The following CMPK1 variants were observed in gnomAD, a reference collection of about 807,000 sequenced individuals.
CMPK1 encodes the protein UMP-CMP kinase.
Under a neutral mutation model 25.7 loss-of-function variants are expected in CMPK1, and 10 were observed. The observed-to-expected ratio is 0.39, with a 90% CI of 0.24 to 0.66. CMPK1 has a LOEUF of 0.66. Ranked by LOEUF, CMPK1 falls within the 30% of genes least tolerant of loss-of-function variation. The pLI, the probability that CMPK1 is intolerant of heterozygous loss-of-function variation, is 0.48. For synonymous variants in CMPK1, 106 were observed against 101.5 expected, an observed-to-expected ratio of 1.04 and a Z score of -0.27; for missense variants, 199 against 280.5, an observed-to-expected ratio of 0.71 and a Z score of 2.08.
chr1:47,338,978 T>C (rs1646419798), intron 1 of CMPK1, among the ~76,000 whole-genome samples: 1 of 152,304 alleles, frequency 6.6e-6, no homozygotes, highest in South Asian at 2.1e-4. Context: ...GTGAACATTT[T>C]GCTTACATAA....
At chr1:47,355,991 T>C (rs1646558476) in intron 1 of CMPK1, among the ~76,000 whole-genome samples, 1 of 152,222 alleles carries the variant, frequency 6.6e-6, no homozygotes, top group African/African-American at 2.4e-5. Context: ...ATTATCTGAT[T>C]ATACTTATGA....
chr1:47,371,266 A>T (rs970804277), intron 2 of CMPK1, among the ~76,000 whole-genome samples: 10 of 151,872 alleles, frequency 6.6e-5, no homozygotes, highest in Non-Finnish European at 1.2e-4. Flanking sequence ...AAATAAACAA[A>T]TCTCTCTCCC....
At chr1:47,334,412 T>A (rs1646380734) in intron 1 of CMPK1, among the ~76,000 whole-genome samples, 1 of 152,186 alleles carries the variant, frequency 6.6e-6, no homozygotes, top group African/African-American at 2.4e-5. Context: ...GGGAGAGGGA[T>A]CCCGGAGGCC....
At position 47,376,804 on chromosome 1, in the gene CMPK1, C is replaced by A; in HGVS notation, c.*59C>A. The A allele has an allele frequency of 1.1e-6, 1 of 945,644 alleles. No homozygotes were observed. The highest frequency in any genetic ancestry group is 1.7e-6 in the Non-Finnish European group (1 of 597,032). 58.6% of individuals were successfully genotyped at this position (945,644 alleles called of 1,614,324 possible). A position where few individuals can be genotyped will look rare whatever the true frequency, so the allele number is the denominator to read the frequency against. ...TGAATATTGCTTTGATAGCTGCTAT[C>A]ATGACCCCTTTTTAAGGCAATTCTA... is the stretch of plus-strand genomic sequence containing the variant. On this transcript the variant is annotated 3_prime_UTR_variant, in exon 6 of 6. Transcript: ENST00000371873.
intron 2 of CMPK1, 58 bp downstream of exon 2, chr1:47,368,673 A>G: frequency 7.1e-7 from 1 of 1,411,714 alleles, no homozygotes; most frequent in Non-Finnish European, 9.4e-7. Context: ...AATTAAATTC[A>G]CCTTTTGGCC....
chr1:47,334,040 T>G lies in CMPK1; in HGVS notation c.95T>G (p.Leu32Arg). 6.4e-7 allele frequency: 1 copy of G among 1,554,402 alleles called. No homozygotes were observed. Among genetic ancestry groups the G allele is most frequent in the East Asian group, 2.4e-5 (1 of 41,066 alleles). ...CCGATTCTCCTCTGCTCTCCACGTC[T>G]CATGAAGCCGCTGGTCGTGTTCGTC... ...RRPILLCSPR[L>R]MKPLVVFVLG... Residue 32 changes from leucine (L) to arginine (R), a missense_variant, in exon 1 of 6, where the codon CTC becomes CGC. Transcript: ENST00000371873.
At chr1:47,336,083 T>C (rs1220894300) in intron 1 of CMPK1, among the ~76,000 whole-genome samples, 1 of 151,942 alleles carries the variant, frequency 6.6e-6, no homozygotes, top group Non-Finnish European at 1.5e-5. Flanking sequence ...TTTTAAAAAG[T>C]AAAGAGACTG....
In CMPK1 at chr1:47,377,851, A is replaced by G. The variant is rs78590846; in HGVS notation, c.*1106A>G. 796 of 152,736 alleles carry G rather than the reference A, an allele frequency of 5.2e-3. 2 individuals are homozygous for G. Among genetic ancestry groups the G allele is most frequent in the East Asian group, 0.03 (157 of 5,188 alleles). The allele number at this position is 152,736 out of a possible 1,614,324, so 9.5% of individuals were successfully genotyped here. A position where few individuals can be genotyped will look rare whatever the true frequency, so the allele number is the denominator to read the frequency against. ...ATCATGTTGAAGCACCGAAAGATAA[A>G]TGATTTTTAAAAGGCTATAGAGTCC... On this transcript the variant is annotated 3_prime_UTR_variant, in exon 6 of 6. Coordinates refer to ENST00000371873, the MANE Select transcript of CMPK1 (RefSeq NM_016308.3).
At chr1:47,338,533 C>T (rs1184314758) in intron 1 of CMPK1, among the ~76,000 whole-genome samples, 1 of 68,340 alleles carries the variant, frequency 1.5e-5, no homozygotes, top group Admixed American at 1.4e-4. Context: ...CCCTCCCTCT[C>T]TCCTTCCCTC....
At chr1:47,351,654 A>G (rs1177016660) in intron 1 of CMPK1, among the ~76,000 whole-genome samples, 1 of 152,200 alleles carries the variant, frequency 6.6e-6, no homozygotes, top group Non-Finnish European at 1.5e-5. Flanking sequence ...TTAAGGAACC[A>G]CTAAACTATT....
intron 1 of CMPK1, among the ~76,000 whole-genome samples, chr1:47,365,633 CA>C (rs10623948): frequency 1.5e-4 from 16 of 108,406 alleles, no homozygotes; most frequent in Middle Eastern, 4.7e-3. Flanking sequence ...GACCCTGTCT[CA>C]AAAAAAAAAA....
intron 1 of CMPK1, chr1:47,358,711 AGT>A: frequency 1.0e-6 from 1 of 985,318 alleles, no homozygotes; most frequent in African/African-American, 1.7e-5. Context: ...ATCTTTGCTG[AGT>A]TCTTTGTGTT....
intron 1 of CMPK1, chr1:47,358,552 TAAAC>T (rs748030860): frequency 5.0e-6 from 5 of 1,006,792 alleles, no homozygotes; most frequent in Non-Finnish European, 6.0e-6. Context: ...GTTTTATAAA[TAAAC>T]AGATCTAAGA....
At chr1:47,350,378 C>T (rs1312500251) in intron 1 of CMPK1, among the ~76,000 whole-genome samples, 2 of 152,162 alleles carry the variant, frequency 1.3e-5, no homozygotes, top group South Asian at 2.1e-4. Context: ...AGCTTGTAGT[C>T]CCAGCTACTT....
chr1:47,369,535 C>A (rs1171242876), intron 2 of CMPK1, among the ~76,000 whole-genome samples: 1 of 152,036 alleles, frequency 6.6e-6, no homozygotes, highest in East Asian at 1.9e-4. Context: ...CCTCCCTCTC[C>A]TGCTCCCTTT....
intron 1 of CMPK1, among the ~76,000 whole-genome samples, chr1:47,349,430 T>C (rs1459835326): frequency 6.6e-6 from 1 of 152,288 alleles, no homozygotes; most frequent in African/African-American, 2.4e-5. Context: ...TCTTACCAGC[T>C]CCAAAACAGA....
rs1646716927 is a variant in CMPK1, at chr1:47,377,688, T to C, written c.*943T>C. The C allele has an allele frequency of 6.6e-6, 1 of 152,648 alleles. No homozygotes were observed. Among genetic ancestry groups the C allele is most frequent in the African/African-American group, 2.4e-5 (1 of 41,470 alleles). 9.5% of individuals were successfully genotyped at this position (152,648 alleles called of 1,614,324 possible). A position where few individuals can be genotyped will look rare whatever the true frequency, so the allele number is the denominator to read the frequency against. The stretch of plus-strand genomic sequence containing the variant: ...TAAATTTCCCATTTGTATTTTATTT[T>C]CTTGAATACTTTTTTCATAGTTATT... On this transcript the variant is annotated 3_prime_UTR_variant, in exon 6 of 6. Coordinates refer to ENST00000371873, the MANE Select transcript of CMPK1 (RefSeq NM_016308.3).
intron 1 of CMPK1, among the ~76,000 whole-genome samples, chr1:47,350,745 AG>A (rs1646517278): frequency 6.6e-6 from 1 of 151,936 alleles, no homozygotes; most frequent in Non-Finnish European, 1.5e-5. Flanking sequence ...ATGCAAAAAA[AG>A]AAAAGAAAAA....
intron 1 of CMPK1, chr1:47,358,774 G>A (rs1462594923): frequency 3.0e-6 from 3 of 984,080 alleles, no homozygotes; most frequent in Non-Finnish European, 3.6e-6. Flanking sequence ...ATGCTCAAAT[G>A]TTATGTTTGC....
Sources: allele counts gnomAD v4.1 joint callset (sites outside exome capture counted in the v4.1 genomes callset), GRCh38; gene constraint gnomAD v4.1.1; transcripts MANE v1.5; gene names NCBI Gene and HGNC (gene_info 2026-07-23, HGNC 2026-07-21).